The following TMC1 variants were observed in gnomAD, a reference collection of about 807,000 sequenced individuals.
The protein encoded by TMC1 is transmembrane channel like 1, also known as transmembrane channel-like protein 1.
TMC1 carries 84 observed loss-of-function variants against 105.8 expected under a neutral mutation model. That is an observed-to-expected ratio of 0.79 (90% CI 0.67 to 0.95). TMC1 has a LOEUF of 0.95. Among genes scored for constraint, TMC1 ranks in the 40% least tolerant of loss-of-function variants. The probability of loss-of-function intolerance (pLI) is 0.00; values close to 1 mark genes in which losing one functional copy is unlikely to be tolerated. For synonymous variants in TMC1, 315 were observed against 311.5 expected, an observed-to-expected ratio of 1.01 and a Z score of -0.12; for missense variants, 817 against 914.1, an observed-to-expected ratio of 0.89 and a Z score of 1.37.
chr9:72,545,891 C>A (rs532932647), intron 1 of TMC1, among the ~76,000 whole-genome samples: 1 of 151,858 alleles, frequency 6.6e-6, no homozygotes, highest in Non-Finnish European at 1.5e-5. Context: ...TCGCTTCTTT[C>A]AGATCAATTA....
chr9:72,650,872 T>TTATATATATATATATATATATATATATA (rs71495328), intron 5 of TMC1, among the ~76,000 whole-genome samples: 3 of 119,862 alleles, frequency 2.5e-5, no homozygotes, highest in Non-Finnish European at 3.5e-5. Context: ...ATGGTGTATT[T>TTATATATATATATATATATATATATATA]TATATATATA....
At chr9:72,554,927 A>T (rs1410996797) in intron 1 of TMC1, among the ~76,000 whole-genome samples, 4 of 152,110 alleles carry the variant, frequency 2.6e-5, no homozygotes, top group African/African-American at 9.7e-5. Context: ...TGCCCAGGCC[A>T]AAGTGCGATG....
rs1461633849 is a variant in TMC1, at chr9:72,609,179, C to CCCTCCCTTCCTTCCTTCCTTCCTT, written c.-305-7186_-305-7185insCCCTTCCTTCCTTCCTTCCTTCCT. ...TTCTTCCTTCCCTCGCTTCCTCCTT[C>CCCTCCCTTCCTTCCTTCCTTCCTT]CCTTCCTTCCTTCCTTCCTTCCTTC... On this transcript the variant is annotated intron_variant, in intron 2 of 23. Coordinates refer to ENST00000297784, the MANE Select transcript of TMC1 (RefSeq NM_138691.3). Among the ~76,000 whole-genome samples, 157 of 136,166 alleles carry CCCTCCCTTCCTTCCTTCCTTCCTT rather than the reference C, an allele frequency of 1.2e-3. 1 individual carries two copies. The highest frequency in any genetic ancestry group is 4.1e-3 in the African/African-American group (144 of 34,888). The allele number at this position is 136,166 out of a possible 152,430, so 89.3% of individuals were successfully genotyped here. A position where few individuals can be genotyped will look rare whatever the true frequency, so the allele number is the denominator to read the frequency against.
At chr9:72,778,040 G>C (rs1367579422) in intron 13 of TMC1, among the ~76,000 whole-genome samples, 2 of 152,174 alleles carry the variant, frequency 1.3e-5, no homozygotes, top group South Asian at 4.1e-4. Context: ...GCAAAATAAA[G>C]TCCTTGCCTC....
intron 17 of TMC1, among the ~76,000 whole-genome samples, chr9:72,804,505 C>A (rs552411061): frequency 6.6e-6 from 1 of 152,180 alleles, no homozygotes; most frequent in African/African-American, 2.4e-5. Context: ...TACCATTGTG[C>A]AGACATTTAA....
At chr9:72,793,321 T>C (rs933983002) in intron 17 of TMC1, among the ~76,000 whole-genome samples, 4 of 152,154 alleles carry the variant, frequency 2.6e-5, no homozygotes, top group African/African-American at 9.7e-5. Flanking sequence ...CCCACTGGCT[T>C]GGAACTCCAG....
At chr9:72,593,381 CTTTTCTTTTCTTTTCTTT>C (rs1375901659) in intron 2 of TMC1, among the ~76,000 whole-genome samples, 1 of 151,586 alleles carries the variant, frequency 6.6e-6, no homozygotes, top group Non-Finnish European at 1.5e-5. Flanking sequence ...TTTCTTTTTT[CTTTTCTTTTCTTTTCTTT>C]TTTTCTTTTC....
intron 5 of TMC1, among the ~76,000 whole-genome samples, chr9:72,679,661 A>T (rs1051904749): frequency 1.3e-5 from 2 of 152,108 alleles, no homozygotes; most frequent in South Asian, 4.1e-4. Flanking sequence ...CATATGGTAG[A>T]AAGAATGAAT....
intron 1 of TMC1, among the ~76,000 whole-genome samples, chr9:72,565,562 G>A (rs1331366552): frequency 6.6e-6 from 1 of 152,132 alleles, no homozygotes; most frequent in Non-Finnish European, 1.5e-5. Context: ...ATTGTCCTTT[G>A]GAGGGTGTGT....
At chr9:72,782,490 C>G (rs973345229) in intron 13 of TMC1, among the ~76,000 whole-genome samples, 4 of 152,058 alleles carry the variant, frequency 2.6e-5, no homozygotes, top group African/African-American at 9.7e-5. Flanking sequence ...AAATAAAAGG[C>G]ACGCAAATAG....
chr9:72,816,535 A>G (rs184364632), intron 19 of TMC1, among the ~76,000 whole-genome samples: 12 of 152,302 alleles, frequency 7.9e-5, no homozygotes, highest in African/African-American at 2.2e-4. Flanking sequence ...ACATTACCAC[A>G]TGATAAGTAT....
chr9:72,784,288 A>G (rs1374808224), intron 13 of TMC1, among the ~76,000 whole-genome samples: 5 of 152,230 alleles, frequency 3.3e-5, no homozygotes, highest in Non-Finnish European at 7.3e-5. Flanking sequence ...ACACTTCTCA[A>G]AAGAAGGCAC....
At chr9:72,821,636 A>G (rs754107149) in intron 20 of TMC1, among the ~76,000 whole-genome samples, 7 of 152,376 alleles carry the variant, frequency 4.6e-5, no homozygotes, top group South Asian at 4.1e-4. Flanking sequence ...ATACTTTTCC[A>G]GGCTCTGCCT....
intron 2 of TMC1, among the ~76,000 whole-genome samples, chr9:72,586,614 T>C (rs938334376): frequency 6.6e-6 from 1 of 152,194 alleles, no homozygotes; most frequent in Non-Finnish European, 1.5e-5. Flanking sequence ...ATCTCTGTAG[T>C]TGGGTACCGT....
At chr9:72,806,445 A>ACGCT (rs752255408) in intron 18 of TMC1, among the ~76,000 whole-genome samples, 1 of 145,224 alleles carries the variant, frequency 6.9e-6, no homozygotes, top group Non-Finnish European at 1.5e-5. Context: ...CCGGGCGGAG[A>ACGCT]CGCTCCTCAG....
chr9:72,579,744 G>A (rs1824445334), intron 2 of TMC1, among the ~76,000 whole-genome samples: 1 of 151,938 alleles, frequency 6.6e-6, no homozygotes, highest in South Asian at 2.1e-4. Context: ...AACAATACTT[G>A]GGTGCAGTGG....
At position 72,774,957 on chromosome 9, in the gene TMC1, G is replaced by A. The variant is rs552741983; in HGVS notation, c.884+2402G>A. On this transcript the variant is annotated intron_variant, in intron 13 of 23. Transcript: ENST00000297784. ...TCTAAAATCGACTAGGCTACATCAA[G>A]ATTTTTTCACTGTACTCATTCTGTT... 5.3e-5 allele frequency among the ~76,000 whole-genome samples: 8 copies of A among 152,276 alleles called. No individual in the cohort carries two copies. The South Asian group carries it at 1.7e-3, about 32-fold the overall frequency.
At chr9:72,660,319 C>G (rs1193126245) in intron 5 of TMC1, among the ~76,000 whole-genome samples, 1 of 152,168 alleles carries the variant, frequency 6.6e-6, no homozygotes, top group Non-Finnish European at 1.5e-5. Context: ...TTCTCTACCT[C>G]AAATGTATTT....
At chr9:72,683,092 CA>C (rs1344415213) in intron 5 of TMC1, among the ~76,000 whole-genome samples, 1 of 152,180 alleles carries the variant, frequency 6.6e-6, no homozygotes, top group Admixed American at 6.5e-5. Context: ...CTGGGGATTA[CA>C]ATTAGACATG....
Sources: allele counts gnomAD v4.1 joint callset (sites outside exome capture counted in the v4.1 genomes callset), GRCh38; gene constraint gnomAD v4.1.1; transcripts MANE v1.5; gene names NCBI Gene and HGNC (gene_info 2026-07-23, HGNC 2026-07-21).